RALYL: variants seen among roughly 807,000 people sequenced by gnomAD.
RALYL encodes the protein RNA-binding Raly-like protein.
RALYL carries 29 observed loss-of-function variants against 35.1 expected under a neutral mutation model. The observed-to-expected ratio is 0.83, with a 90% CI of 0.61 to 1.13. The LOEUF (loss-of-function observed/expected upper bound fraction) is 1.13. Among genes scored for constraint, RALYL ranks in the 50% most tolerant of loss-of-function variants. The pLI, the probability that RALYL is intolerant of heterozygous loss-of-function variation, is 0.00. For synonymous variants in RALYL, 120 were observed against 127.6 expected, an observed-to-expected ratio of 0.94 and a Z score of 0.40; for missense variants, 359 against 360.4, an observed-to-expected ratio of 1.00 and a Z score of 0.03.
At chr8:84,907,795 G>T (rs923949463) in intron 8 of RALYL, among the ~76,000 whole-genome samples, 6 of 151,578 alleles carry the variant, frequency 4.0e-5, no homozygotes, top group Non-Finnish European at 8.8e-5. Flanking sequence ...TCTAATAAAT[G>T]AAAAACCAAG....
intron 2 of RALYL, among the ~76,000 whole-genome samples, chr8:84,618,541 C>T (rs1489522572): frequency 7.5e-6 from 1 of 133,350 alleles, no homozygotes; most frequent in Admixed American, 7.7e-5. Flanking sequence ...TTTCAAAAAA[C>T]CAGCTCCTGG....
chr8:84,648,406 G>C (rs1440755546), intron 2 of RALYL, among the ~76,000 whole-genome samples: 2 of 152,080 alleles, frequency 1.3e-5, no homozygotes. Flanking sequence ...TTTGCATGTG[G>C]TTTGATTAGA....
intron 2 of RALYL, among the ~76,000 whole-genome samples, chr8:84,746,193 T>C (rs1300726406): frequency 6.6e-6 from 1 of 152,038 alleles, no homozygotes; most frequent in Non-Finnish European, 1.5e-5. Context: ...GGAAAATCAC[T>C]TGAGAGGAAA....
At chr8:84,766,339 G>C (rs1355438355) in intron 2 of RALYL, among the ~76,000 whole-genome samples, 3 of 151,866 alleles carry the variant, frequency 2.0e-5, no homozygotes, top group Non-Finnish European at 4.4e-5. Flanking sequence ...GCCAAGAAAA[G>C]GATATAATGT....
intron 1 of RALYL, among the ~76,000 whole-genome samples, chr8:84,434,432 C>A (rs1010667013): frequency 3.3e-5 from 5 of 152,014 alleles, no homozygotes; most frequent in Non-Finnish European, 7.4e-5. Context: ...TTCTAGAAAG[C>A]CCTGTGAAAT....
chr8:84,311,819 A>G lies in RALYL; in HGVS notation c.-24+127395A>G, dbSNP rs185924506. On this transcript the variant is annotated intron_variant, in intron 1 of 8. Transcript: ENST00000521268. ...AGCATGGTACTGTACATATACTTAGAAAAAGAGTCAGAGCAACAATACCAA... is the reference window on the plus strand; with the variant it reads ...AGCATGGTACTGTACATATACTTAGGAAAAGAGTCAGAGCAACAATACCAA... Among the ~76,000 whole-genome samples, 406 of 152,306 alleles carry G rather than the reference A, an allele frequency of 2.7e-3. 1 individual carries two copies. Among genetic ancestry groups the G allele is most frequent in the Middle Eastern group, 6.8e-3 (2 of 294 alleles).
intron 2 of RALYL, among the ~76,000 whole-genome samples, chr8:84,645,345 C>T (rs1827270105): frequency 1.3e-5 from 2 of 151,608 alleles, no homozygotes; most frequent in Non-Finnish European, 2.9e-5. Flanking sequence ...TCTATTCCAG[C>T]TCTAGTGGTT....
chr8:84,579,390 G>T (rs1304464662), intron 2 of RALYL, among the ~76,000 whole-genome samples: 1 of 152,178 alleles, frequency 6.6e-6, no homozygotes, highest in Non-Finnish European at 1.5e-5. Flanking sequence ...CTGGTCCAGA[G>T]TCATGGCTGG....
chr8:84,905,712 T>A (rs2135606063), intron 8 of RALYL, among the ~76,000 whole-genome samples: 1 of 151,968 alleles, frequency 6.6e-6, no homozygotes, highest in Non-Finnish European at 1.5e-5. Flanking sequence ...TTTTTTTTTT[T>A]TTGAGACAGA....
chr8:84,550,340 G>T (rs1343142303), intron 2 of RALYL, among the ~76,000 whole-genome samples: 1 of 151,976 alleles, frequency 6.6e-6, no homozygotes, highest in Non-Finnish European at 1.5e-5. Flanking sequence ...AGATATCAAA[G>T]AAGTTGCTAC....
intron 2 of RALYL, among the ~76,000 whole-genome samples, chr8:84,663,066 A>C (rs888646795): frequency 6.6e-6 from 1 of 152,044 alleles, no homozygotes; most frequent in African/African-American, 2.4e-5. Flanking sequence ...TCCCACTAAT[A>C]AGTGAGAATA....
chr8:84,317,503 G>T (rs1311523840), intron 1 of RALYL, among the ~76,000 whole-genome samples: 1 of 152,182 alleles, frequency 6.6e-6, no homozygotes, highest in Non-Finnish European at 1.5e-5. Context: ...TGTCTCTTTA[G>T]CAATGAGAGA....
chr8:84,614,366 A>G (rs929311969), intron 2 of RALYL, among the ~76,000 whole-genome samples: 5 of 151,690 alleles, frequency 3.3e-5, no homozygotes, highest in African/African-American at 1.2e-4. Context: ...ATCTGACAAC[A>G]TAAATCTTCC....
At chr8:84,473,702 G>A (rs184531415) in intron 1 of RALYL, among the ~76,000 whole-genome samples, 232 of 151,586 alleles carry the variant, frequency 1.5e-3, no homozygotes, top group African/African-American at 5.3e-3. Context: ...TGTCCTTTGG[G>A]TTTTCATTGG....
At chr8:84,417,154 G>A (rs938706566) in intron 1 of RALYL, among the ~76,000 whole-genome samples, 1 of 151,932 alleles carries the variant, frequency 6.6e-6, no homozygotes, top group Non-Finnish European at 1.5e-5. Flanking sequence ...TTGAGGGGGT[G>A]CTTTGAGAGG....
At chr8:84,364,559 T>G (rs946425153) in intron 1 of RALYL, among the ~76,000 whole-genome samples, 2 of 152,080 alleles carry the variant, frequency 1.3e-5, no homozygotes, top group African/African-American at 2.4e-5. Flanking sequence ...TTTAATAACA[T>G]GAAAAGTATG....
chr8:84,672,775 C>T (rs1833513853), intron 2 of RALYL, among the ~76,000 whole-genome samples: 1 of 152,136 alleles, frequency 6.6e-6, no homozygotes, highest in African/African-American at 2.4e-5. Context: ...GGAAAACCTG[C>T]CCCCATGATG....
intron 5 of RALYL, among the ~76,000 whole-genome samples, chr8:84,851,092 C>G (rs1053633754): frequency 6.6e-6 from 1 of 152,114 alleles, no homozygotes; most frequent in African/African-American, 2.4e-5. Context: ...TTCTTTGCTG[C>G]ATTTTCATCT....
chr8:84,867,382 C>T (rs1200057736), intron 6 of RALYL, among the ~76,000 whole-genome samples: 1 of 152,118 alleles, frequency 6.6e-6, no homozygotes, highest in African/African-American at 2.4e-5. Context: ...TTATGCTTTG[C>T]ACAGATTATA....
Sources: allele counts gnomAD v4.1 joint callset (sites outside exome capture counted in the v4.1 genomes callset), GRCh38; gene constraint gnomAD v4.1.1; transcripts MANE v1.5; gene names NCBI Gene and HGNC (gene_info 2026-07-23, HGNC 2026-07-21).